Variants in MYO5A observed in about 807,000 individuals in gnomAD.
MYO5A encodes the protein myosin VA, also known as unconventional myosin-Va.
In MYO5A, 98 loss-of-function variants were observed where a neutral mutation model predicts 249.7. The ratio of observed to expected loss-of-function variants is 0.39; its 90% CI spans 0.33 to 0.46. The LOEUF is 0.46. Among genes scored for constraint, MYO5A ranks in the 20% least tolerant of loss-of-function variants. MYO5A has a pLI of 0.98. For synonymous variants in MYO5A, 778 were observed against 810.6 expected, an observed-to-expected ratio of 0.96 and a Z score of 0.68; for missense variants, 1,696 against 2,308.8, an observed-to-expected ratio of 0.73 and a Z score of 5.44.
Position 52,512,186 on chromosome 15 carries a change from C to A in MYO5A, c.27+16594G>T, listed in dbSNP as rs79725614. Among the ~76,000 whole-genome samples, 194 of 150,754 alleles carry A rather than the reference C, an allele frequency of 1.3e-3. 2 individuals are homozygous for A. In the East Asian group the frequency reaches 0.035, roughly 27 times the overall value. The stretch of plus-strand genomic sequence containing the variant: ...AAAAAAAAAAAAAAAAAATTGATAT[C>A]ATAATTCACCAAGTTTGTGTTCCAA... On this transcript the variant is annotated intron_variant, in intron 1 of 41. Coordinates refer to ENST00000399233, the MANE Select transcript of MYO5A (RefSeq NM_001382347.1).
At chr15:52,379,457 T>TATC (rs1335903784) in intron 18 of MYO5A, among the ~76,000 whole-genome samples, 168 bp downstream of exon 18, 1 of 152,202 alleles carries the variant, frequency 6.6e-6, no homozygotes, top group East Asian at 1.9e-4. Flanking sequence ...GACGGTGGAC[T>TATC]ATCATCCTCG....
intron 1 of MYO5A, among the ~76,000 whole-genome samples, chr15:52,452,971 A>T (rs2076050360): frequency 2.6e-5 from 4 of 152,142 alleles, no homozygotes; most frequent in Admixed American, 2.6e-4. Flanking sequence ...TTCAAGAGGG[A>T]GTTGATTAAG....
chr15:52,325,391 C>T (rs1354297787), intron 36 of MYO5A, among the ~76,000 whole-genome samples: 1 of 151,062 alleles, frequency 6.6e-6, no homozygotes, highest in Non-Finnish European at 1.5e-5. Flanking sequence ...GGGCTCTAGG[C>T]TTTGCTAAGC....
chr15:52,434,897 C>T (rs2075628071), intron 1 of MYO5A, among the ~76,000 whole-genome samples: 1 of 152,240 alleles, frequency 6.6e-6, no homozygotes, highest in African/African-American at 2.4e-5. Flanking sequence ...TGGCCTGTAT[C>T]TGTATCCTCA....
intron 37 of MYO5A, among the ~76,000 whole-genome samples, chr15:52,323,143 T>C (rs894650761): frequency 6.6e-6 from 1 of 152,238 alleles, no homozygotes; most frequent in Non-Finnish European, 1.5e-5. Flanking sequence ...ATTTTATTTT[T>C]CTCTATGCTT....
At chr15:52,317,897 A>G (rs540518359) in intron 39 of MYO5A, among the ~76,000 whole-genome samples, 1 of 152,366 alleles carries the variant, frequency 6.6e-6, no homozygotes, top group South Asian at 2.1e-4. Context: ...TAGACACACA[A>G]TCAGCACTTA....
At chr15:52,348,882 T>G in intron 28 of MYO5A, 56 bp from the exon 29 acceptor site, 1 of 1,578,180 alleles carries the variant, frequency 6.3e-7, no homozygotes, top group Non-Finnish European at 8.6e-7. Flanking sequence ...AACCCTTAGT[T>G]CCATAAATAA....
intron 35 of MYO5A, among the ~76,000 whole-genome samples, chr15:52,329,969 T>C (rs1596299766): frequency 7.1e-6 from 1 of 140,228 alleles, no homozygotes; most frequent in East Asian, 2.0e-4. Flanking sequence ...GAGGCTGGCC[T>C]TGAGGGTTTT....
At chr15:52,405,851 AC>A (rs2042982007) in intron 8 of MYO5A, among the ~76,000 whole-genome samples, 1 of 152,240 alleles carries the variant, frequency 6.6e-6, no homozygotes, top group Non-Finnish European at 1.5e-5. Flanking sequence ...TAATAGTATT[AC>A]CATTTCTATT....
At chr15:52,314,751 G>C (rs1596263006) in intron 40 of MYO5A, among the ~76,000 whole-genome samples, 1 of 152,202 alleles carries the variant, frequency 6.6e-6, no homozygotes, top group East Asian at 1.9e-4. Context: ...ATCAATTAGA[G>C]AGTATGAAGT....
At chr15:52,459,146 A>ATTTTTTTTTTTTTTTT (rs199923318) in intron 1 of MYO5A, among the ~76,000 whole-genome samples, 1 of 49,058 alleles carries the variant, frequency 2.0e-5, no homozygotes, top group Non-Finnish European at 4.6e-5. Context: ...ATTTTCCAGA[A>ATTTTTTTTTTTTTTTT]ATTTTTTTTT....
intron 1 of MYO5A, chr15:52,505,729 T>G: frequency 1.4e-6 from 2 of 1,431,950 alleles, no homozygotes; most frequent in South Asian, 2.3e-5. Flanking sequence ...TCCAGTGGGA[T>G]ACAGAATTAA....
intron 30 of MYO5A, among the ~76,000 whole-genome samples, chr15:52,345,490 C>G (rs1296824710): frequency 1.8e-4 from 27 of 151,298 alleles, no homozygotes; most frequent in Admixed American, 1.7e-3. Context: ...GAGGCTGAGG[C>G]AGGAGAATCG....
At chr15:52,440,971 T>G (rs1342960400) in intron 1 of MYO5A, among the ~76,000 whole-genome samples, 1 of 152,230 alleles carries the variant, frequency 6.6e-6, no homozygotes, top group African/African-American at 2.4e-5. Context: ...ATGAGTGCTT[T>G]ATGTCACAAT....
intron 1 of MYO5A, among the ~76,000 whole-genome samples, chr15:52,484,883 T>A (rs1370528774): frequency 1.3e-5 from 2 of 152,054 alleles, no homozygotes; most frequent in Admixed American, 6.5e-5. Context: ...TGCTCCTGGA[T>A]GAATTTTTTT....
intron 1 of MYO5A, among the ~76,000 whole-genome samples, chr15:52,518,860 A>C (rs1262543408): frequency 6.6e-6 from 1 of 152,238 alleles, no homozygotes; most frequent in Non-Finnish European, 1.5e-5. Flanking sequence ...TTGTGATGTC[A>C]GATCAGGGAG....
intron 1 of MYO5A, among the ~76,000 whole-genome samples, chr15:52,451,514 C>A (rs2076019759): frequency 6.6e-6 from 1 of 152,206 alleles, no homozygotes; most frequent in South Asian, 2.1e-4. Context: ...AAAACATTCA[C>A]ATAACCCCTA....
chr15:52,495,132 C>T (rs974414516), intron 1 of MYO5A, among the ~76,000 whole-genome samples: 3 of 152,084 alleles, frequency 2.0e-5, no homozygotes, highest in Non-Finnish European at 2.9e-5. Context: ...CAAAATTCAA[C>T]TATCCAAAGC....
In MYO5A at chr15:52,392,031, G is replaced by A; in HGVS notation, c.1441C>T (p.Gln481Ter). The change falls in exon 12 of 42, where the codon CAA (glutamine) becomes TAA (stop). Residue 481 changes from glutamine (Q) to a stop codon, truncating the protein, a stop_gained. Transcript: ENST00000399233. LOFTEE classifies it high-confidence loss of function. ...AAATCTATGAGTGTCCATGGAATTTGTTCCTTCATATATTCTTCTTGCTCC... is the reference window on the plus strand; with the variant it reads ...AAATCTATGAGTGTCCATGGAATTTATTCCTTCATATATTCTTCTTGCTCC... ...KLEQEEYMKE[Q>*]IPWTLIDFYD... 1 of 1,611,892 alleles carries A rather than the reference G, an allele frequency of 6.2e-7. No individual in the cohort carries two copies.
Sources: gnomAD v4.1 joint callset for allele counts (sites outside exome capture counted in the v4.1 genomes callset) on GRCh38, gnomAD v4.1.1 for gene constraint, MANE v1.5 for transcripts, NCBI Gene and HGNC (gene_info 2026-07-23, HGNC 2026-07-21) for gene names.